Variants in OTOGL observed in about 807,000 individuals in gnomAD.
The protein encoded by OTOGL is otogelin like, also known as otogelin-like protein.
Under a neutral mutation model 318.5 loss-of-function variants are expected in OTOGL, and 285 were observed. The ratio of observed to expected loss-of-function variants is 0.89; its 90% CI spans 0.81 to 0.99. The LOEUF (loss-of-function observed/expected upper bound fraction) is 0.99. OTOGL is among the 50% of genes least tolerant of loss of function. OTOGL has a pLI of 0.00. For missense variants in OTOGL, 2,899 were observed against 2,845.6 expected, an observed-to-expected ratio of 1.02 and a Z score of -0.43; for synonymous variants, 987 against 936.5, an observed-to-expected ratio of 1.05 and a Z score of -0.99.
At chr12:80,334,454 A>G (rs1168619779) in intron 38 of OTOGL, among the ~76,000 whole-genome samples, 5 of 152,104 alleles carry the variant, frequency 3.3e-5, no homozygotes, top group Non-Finnish European at 7.4e-5. Flanking sequence ...CATGGAGTAT[A>G]TATAGGTCAT....
chr12:80,367,634 A>G lies in OTOGL; in HGVS notation c.6405A>G (p.Glu2135=), dbSNP rs1890626755. 1 of 1,536,872 alleles carries G rather than the reference A, an allele frequency of 6.5e-7. No homozygotes were observed. The highest frequency in any genetic ancestry group is 2.3e-5 in the East Asian group (1 of 42,900). ...NPGQSMIKYL[E]EDFCYAIECL... ...GACAATCCATGATAAAGTATTTGGA[A>G]GAAGACTTTTGTTATGCTATAGAGT... Residue 2135 remains glutamate, a synonymous_variant, in exon 54 of 59, where the codon GAA becomes GAG. Coordinates refer to ENST00000547103, the MANE Select transcript of OTOGL (RefSeq NM_001378609.3).
chr12:80,313,369 T>G, intron 30 of OTOGL, 107 bp from the exon 31 acceptor site: 1 of 1,069,922 alleles, frequency 9.3e-7, no homozygotes, highest in Non-Finnish European at 1.4e-6. Context: ...GTGGCAGTGT[T>G]AAGCTGATAA....
chr12:80,162,324 C>T (rs1039340473), intron 1 of OTOGL, among the ~76,000 whole-genome samples: 2 of 152,108 alleles, frequency 1.3e-5, no homozygotes, highest in African/African-American at 4.8e-5. Context: ...GAGATGGTGA[C>T]TTTGTTTATA....
chr12:80,291,068 T>A (rs563236489), intron 26 of OTOGL, among the ~76,000 whole-genome samples: 1 of 152,338 alleles, frequency 6.6e-6, no homozygotes, highest in East Asian at 1.9e-4. Context: ...TCATTTCAAA[T>A]ACTGATTGTG....
intron 7 of OTOGL, among the ~76,000 whole-genome samples, chr12:80,223,922 T>C (rs1878589057): frequency 6.6e-6 from 1 of 152,168 alleles, no homozygotes; most frequent in Non-Finnish European, 1.5e-5. Flanking sequence ...GCATAAAAGC[T>C]TTTTAGTTTA....
intron 24 of OTOGL, among the ~76,000 whole-genome samples, chr12:80,275,091 T>G (rs1417015331): frequency 6.6e-6 from 1 of 151,954 alleles, no homozygotes; most frequent in African/African-American, 2.4e-5. Context: ...AACTTTAAAG[T>G]CTTATTATTT....
chr12:80,347,517 A>G (rs1592738185), intron 44 of OTOGL, among the ~76,000 whole-genome samples: 4 of 152,144 alleles, frequency 2.6e-5, no homozygotes, highest in African/African-American at 4.8e-5. Flanking sequence ...TATATGTGCC[A>G]CATTTTCTTT....
intron 1 of OTOGL, among the ~76,000 whole-genome samples, chr12:80,175,113 C>G (rs1448083445): frequency 6.6e-6 from 1 of 152,084 alleles, no homozygotes; most frequent in Admixed American, 6.6e-5. Context: ...CACAGAGACA[C>G]AGAGATGGTA....
chr12:80,160,401 AC>A (rs1462012947), intron 1 of OTOGL, among the ~76,000 whole-genome samples: 8 of 152,170 alleles, frequency 5.3e-5, no homozygotes, highest in African/African-American at 1.4e-4. Flanking sequence ...CAAGAAAAAA[AC>A]AATCCCATCA....
chr12:80,256,387 T>C lies in OTOGL; in HGVS notation c.1638T>C (p.Asp546=). The part of the protein sequence containing the change: ...LQSITLILED[D]FNKQVTLGRG... The stretch of plus-strand genomic sequence containing the variant: ...CTATAACTCTGATTCTGGAGGATGA[T>C]TTTAACAAACAAGTGACCCTTGGTA... Residue 546 remains aspartate, a synonymous_variant, in exon 17 of 59, where the codon GAT becomes GAC. Coordinates refer to ENST00000547103, the MANE Select transcript of OTOGL (RefSeq NM_001378609.3). 2.5e-6 allele frequency: 4 copies of C among 1,595,844 alleles called. No individual in the cohort carries two copies. In the South Asian group the frequency reaches 4.4e-5, roughly 18 times the overall value.
intron 1 of OTOGL, among the ~76,000 whole-genome samples, chr12:80,146,364 T>C (rs1044166907): frequency 7.4e-5 from 11 of 149,134 alleles, no homozygotes; most frequent in Non-Finnish European, 7.4e-5. Flanking sequence ...TTACATTTAT[T>C]GATTTGCGTA....
At chr12:80,111,843 G>A (rs978844175) in intron 1 of OTOGL, among the ~76,000 whole-genome samples, 8 of 152,140 alleles carry the variant, frequency 5.3e-5, no homozygotes, top group Admixed American at 2.0e-4. Flanking sequence ...TGGGCAGTAT[G>A]GCCATTTTCA....
chr12:80,211,399 T>A (rs1302856417), intron 3 of OTOGL, among the ~76,000 whole-genome samples: 1 of 152,144 alleles, frequency 6.6e-6, no homozygotes, highest in Non-Finnish European at 1.5e-5. Context: ...TTTTTAAAAA[T>A]AAAATGTTTA....
chr12:80,343,509 G>GGTTTTTTTTTTTTT lies in OTOGL; in HGVS notation c.5265+1347_5265+1348insGTTTTTTTTTTTTT. ...TACATTTTTATTATTTTTTATTCTT[G>GGTTTTTTTTTTTTT]TTTTTTTTTTTTTTTTTTTTTTTTT... On this transcript the variant is annotated intron_variant, in intron 44 of 58. Coordinates refer to ENST00000547103, the MANE Select transcript of OTOGL (RefSeq NM_001378609.3). 38 of 35,852 alleles carry GGTTTTTTTTTTTTT rather than the reference G, an allele frequency of 1.1e-3. 9 individuals carry two copies. The highest frequency in any genetic ancestry group is 2.2e-3 in the Admixed American group (6 of 2,706). The allele number at this position is 35,852 out of a possible 1,614,324, so 2.2% of individuals were successfully genotyped here.
chr12:80,199,033 A>T (rs558421069), intron 1 of OTOGL, among the ~76,000 whole-genome samples: 1 of 152,324 alleles, frequency 6.6e-6, no homozygotes, highest in Admixed American at 6.5e-5. Flanking sequence ...ATGTGTACAT[A>T]TATGCATGCA....
intron 1 of OTOGL, among the ~76,000 whole-genome samples, chr12:80,200,125 A>G (rs1328110882): frequency 1.3e-5 from 2 of 152,164 alleles, no homozygotes; most frequent in Admixed American, 6.5e-5. Context: ...GCCTGTGGGG[A>G]AATATAAAGA....
chr12:80,166,687 T>G (rs904043027), intron 1 of OTOGL, among the ~76,000 whole-genome samples: 2 of 152,198 alleles, frequency 1.3e-5, no homozygotes, highest in Non-Finnish European at 2.9e-5. Flanking sequence ...TGTTTCTGAT[T>G]CCAAATTCCA....
At chr12:80,131,688 T>C (rs1871250368) in intron 1 of OTOGL, 1 of 152,286 alleles carries the variant, frequency 6.6e-6, no homozygotes, top group African/African-American at 2.4e-5. Context: ...TTATTTAGCT[T>C]TATTATTATT....
At chr12:80,263,769 C>A (rs566142907) in intron 19 of OTOGL, among the ~76,000 whole-genome samples, 2 of 152,054 alleles carry the variant, frequency 1.3e-5, no homozygotes, top group East Asian at 3.9e-4. Flanking sequence ...GTCAATAACT[C>A]TGATCTAGAT....
Sources: gnomAD v4.1 joint callset for allele counts (sites outside exome capture counted in the v4.1 genomes callset) on GRCh38, gnomAD v4.1.1 for gene constraint, MANE v1.5 for transcripts, NCBI Gene and HGNC (gene_info 2026-07-23, HGNC 2026-07-21) for gene names.